The following SLC39A12 variants were observed in gnomAD, a reference collection of about 807,000 sequenced individuals.
The protein encoded by SLC39A12 is solute carrier family 39 member 12.
Under a neutral mutation model 71.1 loss-of-function variants are expected in SLC39A12, and 63 were observed. That is an observed-to-expected ratio of 0.89 (90% CI 0.72 to 1.09). The LOEUF (loss-of-function observed/expected upper bound fraction) is 1.09, where lower values mean the gene tolerates loss of function less well. SLC39A12 is among the 50% of genes least tolerant of loss of function. The probability of loss-of-function intolerance (pLI) is 0.00; values close to 1 mark genes in which losing one functional copy is unlikely to be tolerated. For missense variants in SLC39A12, 892 were observed against 812.6 expected, an observed-to-expected ratio of 1.10 and a Z score of -1.19; for synonymous variants, 351 against 301.3, an observed-to-expected ratio of 1.16 and a Z score of -1.71.
At chr10:18,020,127 A>G (rs1398235392) in intron 12 of SLC39A12, among the ~76,000 whole-genome samples, 6 of 152,042 alleles carry the variant, frequency 3.9e-5, no homozygotes, top group Non-Finnish European at 8.8e-5. Context: ...TGGTTTTACA[A>G]TCCTCACCCT....
intron 10 of SLC39A12, among the ~76,000 whole-genome samples, chr10:17,997,473 ATAG>A (rs1456262656): frequency 6.6e-6 from 1 of 152,182 alleles, no homozygotes; most frequent in Non-Finnish European, 1.5e-5. Flanking sequence ...AGCTGGGCAC[ATAG>A]TAGGTCTGCA....
chr10:18,012,023 A>C (rs1292882314), intron 12 of SLC39A12, among the ~76,000 whole-genome samples: 2 of 152,208 alleles, frequency 1.3e-5, no homozygotes, highest in Admixed American at 1.3e-4. Context: ...GGAAGGTTAA[A>C]ACAGCTATGT....
intron 4 of SLC39A12, among the ~76,000 whole-genome samples, chr10:17,975,226 G>T (rs1210140361): frequency 6.6e-6 from 1 of 151,766 alleles, no homozygotes; most frequent in African/African-American, 2.4e-5. Context: ...TGGAATCTCA[G>T]GCCCCCCACC....
At chr10:18,011,194 A>G (rs1009757046) in intron 12 of SLC39A12, among the ~76,000 whole-genome samples, 3 of 152,114 alleles carry the variant, frequency 2.0e-5, no homozygotes, top group Middle Eastern at 3.4e-3. Context: ...GGTTCAAGCA[A>G]TTATCCTGCC....
At chr10:18,032,129 C>T (rs1257752354) in intron 12 of SLC39A12, among the ~76,000 whole-genome samples, 7 of 120,636 alleles carry the variant, frequency 5.8e-5, no homozygotes, top group African/African-American at 1.1e-4. Flanking sequence ...CTTGGCGACG[C>T]GGGCTCTTTT....
At chr10:17,994,011 A>T (rs1318995038) in intron 9 of SLC39A12, among the ~76,000 whole-genome samples, 1 of 152,208 alleles carries the variant, frequency 6.6e-6, no homozygotes, top group Non-Finnish European at 1.5e-5. Flanking sequence ...TGACATAGCA[A>T]AATAGAAGTT....
intron 12 of SLC39A12, among the ~76,000 whole-genome samples, chr10:18,035,143 G>A (rs1275050283): frequency 1.4e-5 from 2 of 147,272 alleles, no homozygotes; most frequent in Non-Finnish European, 3.0e-5. Flanking sequence ...TGCTCTTCTC[G>A]AGGAGTATCT....
intron 6 of SLC39A12, among the ~76,000 whole-genome samples, chr10:17,987,022 C>T (rs2148598): frequency 0.23 from 35,287 of 152,042 alleles, 5,075 homozygotes; most frequent in Admixed American, 0.36. Flanking sequence ...ACAAAAACAA[C>T]AAAACGCTTA....
intron 7 of SLC39A12, among the ~76,000 whole-genome samples, chr10:17,990,378 A>T (rs1035301454): frequency 2.6e-5 from 4 of 152,206 alleles, no homozygotes; most frequent in African/African-American, 9.6e-5. Flanking sequence ...ATATACATAT[A>T]ATCTATACAC....
At chr10:18,021,747 G>T (rs947896822) in intron 12 of SLC39A12, among the ~76,000 whole-genome samples, 1 of 152,104 alleles carries the variant, frequency 6.6e-6, no homozygotes, top group Non-Finnish European at 1.5e-5. Flanking sequence ...TGTTTTTGTG[G>T]TGTCAGGTAA....
At chr10:18,028,786 C>G (rs1836753079) in intron 12 of SLC39A12, among the ~76,000 whole-genome samples, 1 of 151,972 alleles carries the variant, frequency 6.6e-6, no homozygotes, top group African/African-American at 2.4e-5. Flanking sequence ...GTGGTGTGAT[C>G]TTGGCTCACT....
intron 12 of SLC39A12, among the ~76,000 whole-genome samples, chr10:18,035,053 C>T (rs1200458900): frequency 1.4e-5 from 2 of 144,134 alleles, no homozygotes; most frequent in Non-Finnish European, 1.5e-5. Flanking sequence ...GAGGGTAACC[C>T]GACCTTTCTC....
chr10:17,974,106 G>T (rs1009972805), intron 4 of SLC39A12, among the ~76,000 whole-genome samples: 3 of 149,652 alleles, frequency 2.0e-5, no homozygotes, highest in South Asian at 2.2e-4. Context: ...TTAATTATTG[G>T]GTTCTTTTTA....
intron 12 of SLC39A12, among the ~76,000 whole-genome samples, chr10:18,024,497 G>T (rs141661996): frequency 2.6e-5 from 4 of 152,104 alleles, no homozygotes; most frequent in African/African-American, 9.6e-5. Context: ...GTCCCTAGTG[G>T]GCAGCTATCC....
chr10:18,024,449 G>A (rs1836619552), intron 12 of SLC39A12, among the ~76,000 whole-genome samples: 3 of 152,128 alleles, frequency 2.0e-5, no homozygotes, highest in Admixed American at 1.3e-4. Flanking sequence ...CTCACTTAAT[G>A]TTTCCCTTGG....
At position 17,953,307 on chromosome 10, in the gene SLC39A12, T is replaced by C. The variant is rs782289611; in HGVS notation, c.31T>C (p.Trp11Arg). ...CTTCCGGACAAAGCTCTCAGTATCC[T>C]GGGTGCCATTGTTTCTTCTACTCAG... is the stretch of plus-strand genomic sequence containing the variant. MCFRTKLSVS[W>R]VPLFLLLSRV... The change falls in exon 2 of 13, where the codon TGG (tryptophan) becomes CGG (arginine). Residue 11 changes from tryptophan (W) to arginine (R), a missense_variant. Physicochemically the swap from Trp to Arg is moderately radical, Grantham distance 101 (BLOSUM62 -3). Transcript: ENST00000377369. The C allele has an allele frequency of 6.2e-7, 1 of 1,614,196 alleles. No individual in the cohort carries two copies. Among genetic ancestry groups the C allele is most frequent in the South Asian group, 1.1e-5 (1 of 91,080 alleles).
rs547223879 is a variant in SLC39A12 at position 17,972,108 on chromosome 10, A to G, written c.752-5794A>G. Among the ~76,000 whole-genome samples, 9 of 152,176 alleles carry G rather than the reference A, an allele frequency of 5.9e-5. 1 individual carries two copies. Among genetic ancestry groups the G allele is most frequent in the Admixed American group, 2.6e-4 (4 of 15,284 alleles). ...TTGATCCATTGGTCATTCAGGAGCTATTGTTTAATTTCCATATATTTGCAT... is the reference window on the plus strand; with the variant it reads ...TTGATCCATTGGTCATTCAGGAGCTGTTGTTTAATTTCCATATATTTGCAT... On this transcript the variant is annotated intron_variant, in intron 4 of 12. Transcript: ENST00000377369.
At chr10:17,979,692 C>T (rs1207016897) in intron 5 of SLC39A12, among the ~76,000 whole-genome samples, 1 of 152,170 alleles carries the variant, frequency 6.6e-6, no homozygotes, top group African/African-American at 2.4e-5. Context: ...GGAGTTCTTG[C>T]CCAATCCCTT....
rs546741079 is a variant in SLC39A12, at chr10:17,989,845, G to T, written c.1270-1306G>T. ...AGGCAGGAGAATCGCTTGAACCCAG[G>T]AGGCAGAGGTTGCAGTGAGCCGAGA... On this transcript the variant is annotated intron_variant, in intron 7 of 12. Coordinates refer to ENST00000377369, the MANE Select transcript of SLC39A12 (RefSeq NM_001145195.2). Among the ~76,000 whole-genome samples the T allele has an allele frequency of 8.5e-5, 13 of 152,112 alleles. No homozygotes were observed. The South Asian group carries it at 1.7e-3, about 19-fold the overall frequency.
Sources: gnomAD v4.1 joint callset for allele counts (sites outside exome capture counted in the v4.1 genomes callset) on GRCh38, gnomAD v4.1.1 for gene constraint, MANE v1.5 for transcripts, NCBI Gene and HGNC (gene_info 2026-07-23, HGNC 2026-07-21) for gene names.